The following RAD50 variants were observed in gnomAD, a reference collection of about 807,000 sequenced individuals.
The protein encoded by RAD50 is RAD50 double strand break repair protein.
Under a neutral mutation model 168.8 loss-of-function variants are expected in RAD50, and 132 were observed. The ratio of observed to expected loss-of-function variants is 0.78; its 90% CI spans 0.68 to 0.90. RAD50 has a LOEUF of 0.90. Ranked by LOEUF, RAD50 falls within the 40% of genes least tolerant of loss-of-function variation. The pLI is 0.00. For synonymous variants in RAD50, 525 were observed against 497.4 expected, an observed-to-expected ratio of 1.06 and a Z score of -0.74; for missense variants, 1,347 against 1,534.4, an observed-to-expected ratio of 0.88 and a Z score of 2.04.
intron 21 of RAD50, among the ~76,000 whole-genome samples, chr5:132,624,080 T>G (rs867085970): frequency 6.6e-6 from 1 of 152,258 alleles, no homozygotes; most frequent in African/African-American, 2.4e-5. Context: ...AAGTTTAACT[T>G]TTAAAACAAT....
intron 21 of RAD50, among the ~76,000 whole-genome samples, chr5:132,636,562 A>G (rs990888489): frequency 1.3e-5 from 2 of 152,216 alleles, no homozygotes; most frequent in African/African-American, 2.4e-5. Context: ...TCTGAGGAAT[A>G]AAACCAACAT....
intron 16 of RAD50, among the ~76,000 whole-genome samples, chr5:132,607,874 C>T (rs1030688738): frequency 4.6e-5 from 7 of 152,136 alleles, no homozygotes; most frequent in Admixed American, 1.3e-4. Flanking sequence ...TTGTATCTAC[C>T]TCTATAGATT....
Position 132,606,032 on chromosome 5 carries a change from T to C in RAD50, c.2718+1033T>C, listed in dbSNP as rs1054497025. Among the ~76,000 whole-genome samples the C allele has an allele frequency of 2.2e-4, 34 of 151,954 alleles. 1 individual carries two copies. The highest frequency in any genetic ancestry group is 7.7e-4 in the African/African-American group (32 of 41,482). Reference sequence around the variant, plus strand: ...AATGCCCACAAGAGAAAGCAGGAAATAACTGAATTCAACACCTTAACATCA... The same window carrying C: ...AATGCCCACAAGAGAAAGCAGGAAACAACTGAATTCAACACCTTAACATCA... On this transcript the variant is annotated intron_variant, in intron 16 of 24. Transcript: ENST00000378823.
At chr5:132,634,646 G>A (rs1193286747) in intron 21 of RAD50, among the ~76,000 whole-genome samples, 6 of 152,058 alleles carry the variant, frequency 3.9e-5, no homozygotes, top group Non-Finnish European at 7.4e-5. Context: ...AGTTTTAGGA[G>A]GAACACTTCT....
At chr5:132,637,065 C>A in intron 21 of RAD50, 50 bp from the exon 22 acceptor site, 8 of 1,419,848 alleles carry the variant, frequency 5.6e-6, no homozygotes, top group Non-Finnish European at 7.6e-6. Flanking sequence ...ATTACTATTA[C>A]ACATAATTAT....
At chr5:132,579,793 T>G (rs569508766) in intron 4 of RAD50, 69 bp from the exon 5 acceptor site, 1 of 1,279,410 alleles carries the variant, frequency 7.8e-7, no homozygotes, top group East Asian at 2.4e-5. Flanking sequence ...CAGCATAATA[T>G]CCCACTGTAT....
chr5:132,622,155 G>T (rs1355924083), intron 21 of RAD50, among the ~76,000 whole-genome samples: 1 of 151,350 alleles, frequency 6.6e-6, no homozygotes, highest in East Asian at 1.9e-4. Flanking sequence ...AACTCACATG[G>T]TTTTTTTATA....
Position 132,641,883 on chromosome 5 carries a change from A to G in RAD50, c.3753-295A>G, listed in dbSNP as rs529167726. ...AAGGAAAACTCAATAAAATATTTAT[A>G]CCTGCTTTAGTGAGAACTTCTGATC... is the stretch of plus-strand genomic sequence containing the variant. On this transcript the variant is annotated intron_variant, in intron 24 of 24. Coordinates refer to ENST00000378823, the MANE Select transcript of RAD50 (RefSeq NM_005732.4). 8.4e-4 allele frequency: 314 copies of G among 375,134 alleles called. 1 individual carries two copies. Among genetic ancestry groups the G allele is most frequent in the African/African-American group, 6.0e-3 (297 of 49,414 alleles). 23.2% of individuals were successfully genotyped at this position (375,134 alleles called of 1,614,324 possible). A position where few individuals can be genotyped will look rare whatever the true frequency, so the allele number is the denominator to read the frequency against.
At chr5:132,579,785 G>A in intron 4 of RAD50, 77 bp from the exon 5 acceptor site, 1 of 1,222,372 alleles carries the variant, frequency 8.2e-7, no homozygotes, top group Non-Finnish European at 1.2e-6. Flanking sequence ...CTTAGTGACA[G>A]CATAATATCC....
chr5:132,640,674 A>G lies in RAD50; in HGVS notation c.3621A>G (p.Val1207=), dbSNP rs786201767. The G allele has an allele frequency of 5.6e-6, 9 of 1,614,072 alleles. No individual in the cohort carries two copies. The highest frequency in any genetic ancestry group is 6.8e-6 in the Non-Finnish European group (8 of 1,180,026). ...MRGRCSAGQK[V]LASLIIRLAL... The stretch of plus-strand genomic sequence containing the variant: ...CTCACATAGGGGCTTTTTTCCAGGT[A>G]TTAGCCTCACTCATCATTCGCCTGG... The change falls in exon 24 of 25, where the codon GTA becomes GTG. Residue 1207 remains valine, a splice_region_variant and synonymous_variant. Coordinates refer to ENST00000378823, the MANE Select transcript of RAD50 (RefSeq NM_005732.4).
intron 13 of RAD50, among the ~76,000 whole-genome samples, chr5:132,601,984 TG>T (rs1217279263): frequency 6.6e-6 from 1 of 151,594 alleles, no homozygotes; most frequent in Non-Finnish European, 1.5e-5. Flanking sequence ...TGTCTGCTGG[TG>T]GGGGGCTAGG....
rs11414936 is a variant in RAD50, at chr5:132,598,051, C to CTT, written c.2207+2254_2207+2255dup. Among the ~76,000 whole-genome samples the CTT allele has an allele frequency of 9.9e-3, 1,410 of 142,666 alleles. 24 individuals carry two copies. The highest frequency in any genetic ancestry group is 0.034 in the African/African-American group (1,326 of 39,068). The allele number at this position is 142,666 out of a possible 152,430, so 93.6% of individuals were successfully genotyped here. On this transcript the variant is annotated intron_variant, in intron 13 of 24. Coordinates refer to ENST00000378823, the MANE Select transcript of RAD50 (RefSeq NM_005732.4). Reference sequence around the variant, plus strand: ...TTTAGGACCCTAGCTATCACGGCTCCTTTTTTTTTTTTTTGAGACAGAGTT... The same window carrying CTT: ...TTTAGGACCCTAGCTATCACGGCTCCTTTTTTTTTTTTTTTTGAGACAGAGTT...
At chr5:132,577,202 T>C (rs979150457) in intron 3 of RAD50, among the ~76,000 whole-genome samples, 27 of 152,226 alleles carry the variant, frequency 1.8e-4, no homozygotes, top group Admixed American at 3.3e-4. Context: ...TCATGCCCTC[T>C]TACTCTGTCT....
intron 1 of RAD50, among the ~76,000 whole-genome samples, chr5:132,558,884 G>A (rs964702844): frequency 2.0e-4 from 30 of 152,278 alleles, no homozygotes; most frequent in Non-Finnish European, 3.2e-4. Flanking sequence ...TGCAGCCTGG[G>A]CAGCAGAATG....
In RAD50 at chr5:132,576,152, T is replaced by C. The variant is rs533194894; in HGVS notation, c.365+224T>C. On this transcript the variant is annotated intron_variant, in intron 3 of 24. Transcript: ENST00000378823. ...CCCACGCACACACAGCCTCCTCCAC[T>C]ATGAACATTTGATTTTTTGTGGATA... Among the ~76,000 whole-genome samples, 13 of 152,318 alleles carry C rather than the reference T, an allele frequency of 8.5e-5. No homozygotes were observed. The South Asian group carries it at 2.5e-3, about 29-fold the overall frequency.
At chr5:132,625,167 A>G (rs1447644285) in intron 21 of RAD50, among the ~76,000 whole-genome samples, 3 of 150,044 alleles carry the variant, frequency 2.0e-5, no homozygotes, top group African/African-American at 7.3e-5. Context: ...GCTCACTGCA[A>G]GCTCCGCCTC....
chr5:132,580,644 T>C (rs1269796609), intron 5 of RAD50, among the ~76,000 whole-genome samples: 5 of 152,182 alleles, frequency 3.3e-5, no homozygotes, highest in Non-Finnish European at 5.9e-5. Context: ...GTTCATATAT[T>C]TGCAAATGAG....
At chr5:132,593,910 G>A (rs958793792) in intron 11 of RAD50, among the ~76,000 whole-genome samples, 8 of 152,192 alleles carry the variant, frequency 5.3e-5, no homozygotes, top group Non-Finnish European at 8.8e-5. Context: ...GTGAGAGCCA[G>A]ATAGCTGTGG....
intron 11 of RAD50, among the ~76,000 whole-genome samples, chr5:132,594,174 A>G (rs1164647736): frequency 1.3e-5 from 2 of 152,222 alleles, no homozygotes; most frequent in African/African-American, 4.8e-5. Flanking sequence ...ATCTGAAACA[A>G]ATTTCTCAAA....
Sources: allele counts gnomAD v4.1 joint callset (sites outside exome capture counted in the v4.1 genomes callset), GRCh38; gene constraint gnomAD v4.1.1; transcripts MANE v1.5; gene names NCBI Gene and HGNC (gene_info 2026-07-23, HGNC 2026-07-21).